The following SCFD2 variants were observed in gnomAD, a reference collection of about 807,000 sequenced individuals.
SCFD2 encodes the protein sec1 family domain-containing protein 2.
In SCFD2, 54 loss-of-function variants were observed where a neutral mutation model predicts 58.9. That is an observed-to-expected ratio of 0.92 (90% CI 0.74 to 1.15). SCFD2 has a LOEUF of 1.15. SCFD2 is among the 50% of genes most tolerant of loss of function. The pLI is 0.00. For synonymous variants in SCFD2, 321 were observed against 335.9 expected, an observed-to-expected ratio of 0.96 and a Z score of 0.49; for missense variants, 805 against 836.6, an observed-to-expected ratio of 0.96 and a Z score of 0.47.
intron 5 of SCFD2, among the ~76,000 whole-genome samples, chr4:53,028,350 A>G (rs1722532347): frequency 6.6e-6 from 1 of 152,210 alleles, no homozygotes; most frequent in South Asian, 2.1e-4. Flanking sequence ...TAGACAAAAT[A>G]CTGCCAATAT....
At chr4:53,147,628 A>C (rs971925929) in intron 4 of SCFD2, among the ~76,000 whole-genome samples, 2 of 152,220 alleles carry the variant, frequency 1.3e-5, no homozygotes, top group African/African-American at 4.8e-5. Context: ...CAGGGGGCCG[A>C]AAGTTTTGAA....
At chr4:52,956,206 T>C (rs1471160461) in intron 5 of SCFD2, 1 of 456,684 alleles carries the variant, frequency 2.2e-6, no homozygotes, top group South Asian at 1.5e-5. Flanking sequence ...GCAGCAGCCA[T>C]CTCCCCTACA....
rs558072229 is a variant in SCFD2, at chr4:53,134,567, G to A, written c.1561+10766C>T. ...TACAAAGGTAATTTATACATTTTATGCAAATAAATGTGAAGCTTTTGATTA... is the reference window on the plus strand; with the variant it reads ...TACAAAGGTAATTTATACATTTTATACAAATAAATGTGAAGCTTTTGATTA... On this transcript the variant is annotated intron_variant, in intron 5 of 8. Transcript: ENST00000401642. 1.6e-3 allele frequency among the ~76,000 whole-genome samples: 247 copies of A among 152,288 alleles called. 2 individuals carry two copies. Among genetic ancestry groups the A allele is most frequent in the Non-Finnish European group, 1.9e-3 (129 of 68,026 alleles).
intron 2 of SCFD2, among the ~76,000 whole-genome samples, chr4:53,324,588 A>G (rs1240081271): frequency 1.3e-5 from 2 of 152,172 alleles, no homozygotes; most frequent in East Asian, 3.9e-4. Context: ...GGAACAAGGG[A>G]AAAACACAGG....
intron 5 of SCFD2, among the ~76,000 whole-genome samples, chr4:53,005,378 G>A (rs535919530): frequency 2.0e-5 from 3 of 152,254 alleles, no homozygotes; most frequent in South Asian, 2.1e-4. Context: ...CTTGCCTCCC[G>A]GAGGTCAGGC....
intron 5 of SCFD2, among the ~76,000 whole-genome samples, chr4:53,093,158 A>G (rs11932451): frequency 0.04 from 6,082 of 152,130 alleles, 404 homozygotes; most frequent in African/African-American, 0.14. Context: ...ATGGATTTTG[A>G]CTTTTTTTTG....
intron 5 of SCFD2, among the ~76,000 whole-genome samples, chr4:52,967,549 T>C (rs1284442218): frequency 6.6e-6 from 1 of 152,230 alleles, no homozygotes; most frequent in Non-Finnish European, 1.5e-5. Context: ...AGTCTGAGAA[T>C]TGGAATCTAG....
rs1435298647 is a variant in SCFD2 at position 53,335,228 on chromosome 4, AC to A, written c.1007+17369del. On this transcript the variant is annotated intron_variant, in intron 2 of 8. Coordinates refer to ENST00000401642, the MANE Select transcript of SCFD2 (RefSeq NM_152540.4). ...AAAAAAAAAAACAACAAAAAAAAAA[AC>A]AACAACAACAACCCCAGCATCACTT... Among the ~76,000 whole-genome samples the A allele has an allele frequency of 2.2e-3, 329 of 151,340 alleles. 1 individual carries two copies. Among genetic ancestry groups the A allele is most frequent in the African/African-American group, 7.8e-3 (322 of 41,284 alleles).
intron 5 of SCFD2, among the ~76,000 whole-genome samples, chr4:52,989,164 C>T (rs1721565352): frequency 6.6e-6 from 1 of 152,174 alleles, no homozygotes; most frequent in Non-Finnish European, 1.5e-5. Context: ...GTAGGATGAA[C>T]AGAGTGGGCA....
In SCFD2 at chr4:53,209,752, T is replaced by G. The variant is rs376131092; in HGVS notation, c.1311+64074A>C. ...CCTTAGATTGTTTTGCTAGTAACTT[T>G]GTAGTCTTCTTTCTCCATTAAAAAA... On this transcript the variant is annotated intron_variant, in intron 4 of 8. Coordinates refer to ENST00000401642, the MANE Select transcript of SCFD2 (RefSeq NM_152540.4). Among the ~76,000 whole-genome samples, 4 of 152,092 alleles carry G rather than the reference T, an allele frequency of 2.6e-5. No individual in the cohort carries two copies. The South Asian group carries it at 8.3e-4, about 32-fold the overall frequency.
intron 4 of SCFD2, among the ~76,000 whole-genome samples, chr4:53,156,681 G>C (rs951582945): frequency 2.0e-5 from 3 of 152,244 alleles, no homozygotes; most frequent in Admixed American, 2.0e-4. Context: ...TTGGGCGACA[G>C]AGTGAGACTC....
intron 6 of SCFD2, among the ~76,000 whole-genome samples, chr4:52,920,389 C>A (rs1035408407): frequency 6.6e-6 from 1 of 152,170 alleles, no homozygotes; most frequent in Admixed American, 6.5e-5. Context: ...TCCTCTAAGG[C>A]CAGCCCCTCA....
chr4:53,188,503 G>T (rs1727803037), intron 4 of SCFD2, among the ~76,000 whole-genome samples: 1 of 150,820 alleles, frequency 6.6e-6, no homozygotes, highest in Non-Finnish European at 1.5e-5. Flanking sequence ...CTACGAAAGG[G>T]CCAACTTCAT....
chr4:53,070,963 C>T (rs1374693727), intron 5 of SCFD2, among the ~76,000 whole-genome samples: 7 of 152,096 alleles, frequency 4.6e-5, no homozygotes, highest in Non-Finnish European at 1.0e-4. Flanking sequence ...CCTAGTTGCT[C>T]TGTTAGCTAG....
intron 5 of SCFD2, among the ~76,000 whole-genome samples, chr4:53,013,448 A>T (rs1722142332): frequency 6.6e-6 from 1 of 152,096 alleles, no homozygotes; most frequent in South Asian, 2.1e-4. Flanking sequence ...AATTCCTTCA[A>T]CTGTGAGAAT....
intron 4 of SCFD2, among the ~76,000 whole-genome samples, chr4:53,266,597 A>G (rs1730991154): frequency 6.6e-6 from 1 of 152,250 alleles, no homozygotes; most frequent in Admixed American, 6.5e-5. Flanking sequence ...ATTTCACCAA[A>G]TTAAATGAAT....
At chr4:53,223,745 G>A (rs1231906623) in intron 4 of SCFD2, among the ~76,000 whole-genome samples, 12 of 152,092 alleles carry the variant, frequency 7.9e-5, no homozygotes, top group Non-Finnish European at 1.8e-4. Context: ...TAACATAAAA[G>A]AACTAAAGAC....
At chr4:53,091,687 C>A (rs1724473948) in intron 5 of SCFD2, among the ~76,000 whole-genome samples, 1 of 152,080 alleles carries the variant, frequency 6.6e-6, no homozygotes, top group Admixed American at 6.6e-5. Context: ...ATACAACTTT[C>A]ATAGAAACTG....
At chr4:53,193,555 CTAAT>C in intron 4 of SCFD2, among the ~76,000 whole-genome samples, 2 of 152,214 alleles carry the variant, frequency 1.3e-5, no homozygotes, top group Middle Eastern at 6.8e-3. Context: ...AAAACCTCGC[CTAAT>C]TAACCAAATA....
Sources: allele counts gnomAD v4.1 joint callset (sites outside exome capture counted in the v4.1 genomes callset), GRCh38; gene constraint gnomAD v4.1.1; transcripts MANE v1.5; gene names NCBI Gene and HGNC (gene_info 2026-07-23, HGNC 2026-07-21).